The following DCLK2 variants were observed in gnomAD, a reference collection of about 807,000 sequenced individuals.
DCLK2 encodes serine/threonine-protein kinase DCLK2.
DCLK2 carries 31 observed loss-of-function variants against 78.4 expected under a neutral mutation model. The observed-to-expected ratio is 0.40, with a 90% CI of 0.30 to 0.53. DCLK2 has a LOEUF of 0.53. DCLK2 is among the 20% of genes least tolerant of loss of function. The pLI is 0.61. For missense variants in DCLK2, 872 were observed against 973.7 expected (o/e 0.90, Z 1.39); for synonymous variants, 407 against 374.9 (o/e 1.09, Z -0.99).
At chr4:150,099,535 G>T (rs1730716450) in intron 1 of DCLK2, among the ~76,000 whole-genome samples, 1 of 152,226 alleles carries the variant, frequency 6.6e-6, no homozygotes, top group South Asian at 2.1e-4. Context: ...TACCTTGATG[G>T]CTGTTGTCGT....
chr4:150,170,508 C>G (rs977478126), intron 2 of DCLK2, among the ~76,000 whole-genome samples: 2 of 152,126 alleles, frequency 1.3e-5, no homozygotes, highest in Non-Finnish European at 2.9e-5. Flanking sequence ...TAAACATTTT[C>G]AAAATTATGC....
At chr4:150,137,385 A>G (rs914288083) in intron 2 of DCLK2, among the ~76,000 whole-genome samples, 4 of 152,176 alleles carry the variant, frequency 2.6e-5, no homozygotes, top group African/African-American at 7.2e-5. Context: ...AAACTGGCAC[A>G]TTGTTATTTC....
intron 2 of DCLK2, among the ~76,000 whole-genome samples, chr4:150,145,215 T>G (rs1239196704): frequency 1.3e-5 from 1 of 75,280 alleles, no homozygotes; most frequent in Non-Finnish European, 3.2e-5. Context: ...TGGTGACTCT[T>G]GACTTTCACT....
At chr4:150,096,125 G>A (rs554851298) in intron 1 of DCLK2, among the ~76,000 whole-genome samples, 19 of 152,324 alleles carry the variant, frequency 1.2e-4, no homozygotes, top group Admixed American at 6.5e-4. Context: ...GGGAAGAAAC[G>A]AGAGAAGGCA....
intron 2 of DCLK2, among the ~76,000 whole-genome samples, chr4:150,114,347 C>T (rs1278399848): frequency 1.3e-5 from 2 of 152,034 alleles, no homozygotes; most frequent in Admixed American, 6.5e-5. Flanking sequence ...TGGAGTGTTG[C>T]GTTCTCCCAC....
At chr4:150,132,412 G>A (rs1434312345) in intron 2 of DCLK2, among the ~76,000 whole-genome samples, 1 of 152,196 alleles carries the variant, frequency 6.6e-6, no homozygotes, top group Non-Finnish European at 1.5e-5. Context: ...GCAGTGTAGA[G>A]AGGTTTCATT....
chr4:150,256,187 C>T lies in DCLK2; in HGVS notation c.2241C>T (p.His747=). The change falls in exon 16 of 16, where the codon CAC becomes CAT. Residue 747 remains histidine, a synonymous_variant. Transcript: ENST00000296550. ...CCCCTCCGGAATCTCCCACCCCCCA[C>T]CCTCCTCCCGCTGCCCCGGGTGGTG... ...APTPPESPTP[H]PPPAAPGGER... The T allele has an allele frequency of 2.6e-6, 4 of 1,550,274 alleles. No homozygotes were observed. Among genetic ancestry groups the T allele is most frequent in the Non-Finnish European group, 3.5e-6 (4 of 1,148,800 alleles).
intron 2 of DCLK2, among the ~76,000 whole-genome samples, chr4:150,159,169 C>A (rs559587811): frequency 6.6e-6 from 1 of 152,234 alleles, no homozygotes; most frequent in African/African-American, 2.4e-5. Flanking sequence ...AGGACAGACA[C>A]CACATCAAAG....
chr4:150,156,175 C>T (rs749252657), intron 2 of DCLK2, among the ~76,000 whole-genome samples: 9 of 151,956 alleles, frequency 5.9e-5, no homozygotes, highest in Non-Finnish European at 1.2e-4. Flanking sequence ...GTGCAAAAGC[C>T]GTGTTAGATG....
intron 12 of DCLK2, among the ~76,000 whole-genome samples, chr4:150,241,385 C>G (rs562149958): frequency 2.5e-4 from 38 of 152,308 alleles, no homozygotes; most frequent in Non-Finnish European, 3.5e-4. Context: ...TCAGCCACAG[C>G]TCTTTTGATG....
At chr4:150,137,874 A>G (rs1733810635) in intron 2 of DCLK2, among the ~76,000 whole-genome samples, 1 of 152,216 alleles carries the variant, frequency 6.6e-6, no homozygotes, top group Non-Finnish European at 1.5e-5. Flanking sequence ...CTCCATAACT[A>G]AGTATATTGT....
chr4:150,170,420 AG>A (rs1186757460), intron 2 of DCLK2, among the ~76,000 whole-genome samples: 1 of 152,138 alleles, frequency 6.6e-6, no homozygotes, highest in Non-Finnish European at 1.5e-5. Context: ...ATAAGGTGGG[AG>A]GGGAAAAGCA....
intron 5 of DCLK2, among the ~76,000 whole-genome samples, chr4:150,215,859 C>T (rs1740673090): frequency 6.6e-6 from 1 of 152,234 alleles, no homozygotes; most frequent in Non-Finnish European, 1.5e-5. Flanking sequence ...AGTCTTATGA[C>T]TGCAGTCAGA....
chr4:150,136,489 G>C (rs1423648044), intron 2 of DCLK2, among the ~76,000 whole-genome samples: 1 of 152,176 alleles, frequency 6.6e-6, no homozygotes, highest in South Asian at 2.1e-4. Context: ...ATACAAACTG[G>C]TGTCATTAGA....
chr4:150,084,315 G>A (rs9307865), intron 1 of DCLK2, among the ~76,000 whole-genome samples: 57,746 of 152,080 alleles, frequency 0.38, 11,204 homozygotes, highest in Non-Finnish European at 0.42. Flanking sequence ...TTTTGTATGA[G>A]TTAAGCTTTA....
At chr4:150,148,271 A>G (rs1428221246) in intron 2 of DCLK2, among the ~76,000 whole-genome samples, 1 of 152,142 alleles carries the variant, frequency 6.6e-6, no homozygotes, top group Non-Finnish European at 1.5e-5. Flanking sequence ...GGGCTGAGGC[A>G]GGAGGATTGC....
chr4:150,247,367 T>C (rs545515320), intron 12 of DCLK2, among the ~76,000 whole-genome samples: 17 of 152,336 alleles, frequency 1.1e-4, no homozygotes, highest in African/African-American at 3.6e-4. Context: ...TAAGCAAATG[T>C]TTGAGTCATT....
chr4:150,187,731 A>G (rs1738060177), intron 2 of DCLK2, among the ~76,000 whole-genome samples: 2 of 152,052 alleles, frequency 1.3e-5, no homozygotes, highest in South Asian at 4.2e-4. Context: ...TGGAGGCTGA[A>G]GTTGTTTAAC....
intron 1 of DCLK2, among the ~76,000 whole-genome samples, chr4:150,082,186 A>G (rs1729347820): frequency 6.6e-6 from 1 of 152,202 alleles, no homozygotes. Context: ...TATATTCACC[A>G]CATTGTCAAA....
Sources: allele counts gnomAD v4.1 joint callset (sites outside exome capture counted in the v4.1 genomes callset), GRCh38; gene constraint gnomAD v4.1.1; transcripts MANE v1.5; gene names NCBI Gene and HGNC (gene_info 2026-07-23, HGNC 2026-07-21).